Variants in FBN1 observed in about 807,000 individuals in gnomAD.
The protein encoded by FBN1 is fibrillin-1.
A neutral mutation model predicts 365.1 loss-of-function variants in FBN1; 29 were observed. The ratio of observed to expected loss-of-function variants is 0.08; its 90% confidence interval spans 0.06 to 0.11. The LOEUF (loss-of-function observed/expected upper bound fraction) is 0.11. Ranked by LOEUF, FBN1 falls within the 10% of genes least tolerant of loss-of-function variation. The pLI is 1.00. For missense variants in FBN1, 2,476 were observed against 3,703.2 expected (o/e 0.67, Z 8.60); for synonymous variants, 1,210 against 1,270.5 (o/e 0.95, Z 1.01).
At chr15:48,432,421 T>C (rs2043030006) in intron 55 of FBN1, among the ~76,000 whole-genome samples, 1 of 152,210 alleles carries the variant, frequency 6.6e-6, no homozygotes, top group African/African-American at 2.4e-5. Flanking sequence ...TTAGCTAAAG[T>C]AGATTCCACG....
At chr15:48,477,165 T>C (rs1284696710) in intron 32 of FBN1, among the ~76,000 whole-genome samples, 1 of 152,204 alleles carries the variant, frequency 6.6e-6, no homozygotes, top group Non-Finnish European at 1.5e-5. Context: ...CATATGGCTT[T>C]TACCTTCCAT....
At chr15:48,589,252 A>G (rs1394207408) in intron 6 of FBN1, among the ~76,000 whole-genome samples, 1 of 152,188 alleles carries the variant, frequency 6.6e-6, no homozygotes, top group Non-Finnish European at 1.5e-5. Flanking sequence ...AGTCCAAAAC[A>G]GACCAGATGA....
intron 2 of FBN1, among the ~76,000 whole-genome samples, chr15:48,634,427 C>G (rs144066633): frequency 1.3e-5 from 2 of 152,266 alleles, no homozygotes; most frequent in Non-Finnish European, 2.9e-5. Flanking sequence ...CCCAATGCTG[C>G]CGGGAGTGAA....
At chr15:48,500,385 T>C (rs1156851162) in intron 17 of FBN1, among the ~76,000 whole-genome samples, 1 of 152,210 alleles carries the variant, frequency 6.6e-6, no homozygotes, top group Non-Finnish European at 1.5e-5. Context: ...TGAGTTCAAA[T>C]AAGCATGGGT....
chr15:48,538,101 A>G (rs974165143), intron 6 of FBN1, among the ~76,000 whole-genome samples: 1 of 152,242 alleles, frequency 6.6e-6, no homozygotes, highest in Non-Finnish European at 1.5e-5. Flanking sequence ...TTGCTATACA[A>G]ATGTAACATG....
intron 2 of FBN1, 160 bp downstream of exon 2, chr15:48,644,446 T>C (rs1052214627): frequency 5.3e-6 from 5 of 946,786 alleles, no homozygotes; most frequent in Non-Finnish European, 8.2e-6. Flanking sequence ...GCAAGGTAGT[T>C]TAACCACGAA....
intron 6 of FBN1, among the ~76,000 whole-genome samples, chr15:48,581,812 G>A (rs2044394280): frequency 6.6e-6 from 1 of 152,092 alleles, no homozygotes; most frequent in African/African-American, 2.4e-5. Context: ...AGCTCTAAAA[G>A]CAAGCAAATA....
intron 35 of FBN1, 67 bp from the exon 36 acceptor site, chr15:48,470,823 T>C (rs544311678): frequency 6.6e-7 from 1 of 1,524,646 alleles, no homozygotes; most frequent in African/African-American, 1.4e-5. Flanking sequence ...CTGCCAAATA[T>C]AATTAGGCAA....
At chr15:48,622,839 A>C (rs2140752714) in intron 2 of FBN1, among the ~76,000 whole-genome samples, 1 of 152,016 alleles carries the variant, frequency 6.6e-6, no homozygotes, top group Admixed American at 6.6e-5. Context: ...ACACACTAAA[A>C]CCAGACACTT....
chr15:48,593,733 G>T (rs975888230), intron 6 of FBN1, among the ~76,000 whole-genome samples: 3 of 152,110 alleles, frequency 2.0e-5, no homozygotes, highest in Non-Finnish European at 2.9e-5. Flanking sequence ...AGAAACTATA[G>T]TTGCTCCTGA....
chr15:48,607,874 T>C (rs967189639), intron 4 of FBN1, among the ~76,000 whole-genome samples: 1 of 152,216 alleles, frequency 6.6e-6, no homozygotes, highest in African/African-American at 2.4e-5. Context: ...TTTATGACAA[T>C]TAGGATTGCT....
intron 53 of FBN1, among the ~76,000 whole-genome samples, chr15:48,435,772 A>ATATGTATATATG (rs1555395092): frequency 9.4e-6 from 1 of 106,346 alleles, no homozygotes; most frequent in African/African-American, 4.3e-5. Context: ...ATATGTGTAT[A>ATATGTATATATG]TGTGTGTGTG....
chr15:48,477,556 T>C (rs2043430199), intron 32 of FBN1, among the ~76,000 whole-genome samples: 1 of 152,216 alleles, frequency 6.6e-6, no homozygotes, highest in Non-Finnish European at 1.5e-5. Context: ...TATCATTCAT[T>C]AATTGTTTCT....
intron 40 of FBN1, 101 bp from the exon 41 acceptor site, chr15:48,464,122 G>A: frequency 8.8e-7 from 1 of 1,137,922 alleles, no homozygotes; most frequent in South Asian, 1.3e-5. Context: ...AAATCTATAG[G>A]GTATTTTCAA....
rs144610359 is a variant in FBN1 at position 48,610,364 on chromosome 15, G to A, written c.346+364C>T. ...TCAGATTCATATTTCAGTACCACAA[G>A]GAAGCATGCCTAGATTTCTTGAGCC... On this transcript the variant is annotated intron_variant, in intron 4 of 65. Coordinates refer to ENST00000316623, the MANE Select transcript of FBN1 (RefSeq NM_000138.5). 1.6e-3 allele frequency among the ~76,000 whole-genome samples: 242 copies of A among 152,264 alleles called. 1 individual carries two copies. Among genetic ancestry groups the A allele is most frequent in the African/African-American group, 5.7e-3 (235 of 41,548 alleles).
Position 48,432,941 on chromosome 15 carries a change from C to T in FBN1, c.6664G>A (p.Val2222Met). The change falls in exon 55 of 66, where the codon GTG becomes ATG. Residue 2222 changes from valine (V) to methionine (M), a missense_variant. Coordinates refer to ENST00000316623, the MANE Select transcript of FBN1 (RefSeq NM_000138.5). ...CATTCATATGACCCATAAGTGTTCACACATCGGAAGGCACAGAGCAGAGGA... is the reference window on the plus strand; with the variant it reads ...CATTCATATGACCCATAAGTGTTCATACATCGGAAGGCACAGAGCAGAGGA... ...QNPLLCAFRC[V>M]NTYGSYECKC... 6.2e-7 allele frequency: 1 copy of T among 1,613,648 alleles called. No homozygotes were observed.
intron 2 of FBN1, among the ~76,000 whole-genome samples, chr15:48,631,651 T>A (rs553460421): frequency 1.6e-4 from 24 of 152,166 alleles, no homozygotes; most frequent in African/African-American, 5.5e-4. Context: ...AGTGCTGGAG[T>A]TCTCCGCGAG....
At chr15:48,533,151 T>TA (rs1164314081) in intron 8 of FBN1, among the ~76,000 whole-genome samples, 2 of 152,204 alleles carry the variant, frequency 1.3e-5, no homozygotes, top group Non-Finnish European at 2.9e-5. Context: ...TACTCACTGT[T>TA]AGAGTCTAGG....
At chr15:48,513,305 C>T (rs1261843233) in intron 13 of FBN1, among the ~76,000 whole-genome samples, 1 of 152,226 alleles carries the variant, frequency 6.6e-6, no homozygotes, top group Non-Finnish European at 1.5e-5. Flanking sequence ...AGTGACGAGA[C>T]AACAATACTG....
Sources: gnomAD v4.1 joint callset for allele counts (sites outside exome capture counted in the v4.1 genomes callset) on GRCh38, gnomAD v4.1.1 for gene constraint, MANE v1.5 for transcripts, NCBI Gene and HGNC (gene_info 2026-07-23, HGNC 2026-07-21) for gene names.